Variants in TMEM178B observed in about 807,000 individuals in gnomAD.
TMEM178B encodes transmembrane protein 178B.
A neutral mutation model predicts 31.0 loss-of-function variants in TMEM178B; 5 were observed. The observed-to-expected ratio is 0.16, with a 90% CI of 0.08 to 0.34. The LOEUF (loss-of-function observed/expected upper bound fraction) is 0.34. TMEM178B is among the 10% of genes least tolerant of loss of function. The pLI is 1.00. For missense variants in TMEM178B, 275 were observed against 400.3 expected (o/e 0.69, Z 2.67); for synonymous variants, 164 against 164.0 (o/e 1.00, Z 0.00).
intron 2 of TMEM178B, among the ~76,000 whole-genome samples, chr7:141,413,922 T>C (rs1484486274): frequency 2.0e-5 from 3 of 152,236 alleles, no homozygotes; most frequent in Non-Finnish European, 4.4e-5. Flanking sequence ...TCTCCCACTA[T>C]TAACCTTTGG....
At chr7:141,093,440 T>C (rs1349884137) in intron 1 of TMEM178B, among the ~76,000 whole-genome samples, 1 of 152,202 alleles carries the variant, frequency 6.6e-6, no homozygotes, top group African/African-American at 2.4e-5. Flanking sequence ...TTGAGGTGCC[T>C]TTTTAGTTGC....
chr7:141,166,242 G>A (rs1796258558), intron 1 of TMEM178B, among the ~76,000 whole-genome samples: 2 of 152,282 alleles, frequency 1.3e-5, no homozygotes, highest in East Asian at 1.9e-4. Flanking sequence ...GGGCCATTTT[G>A]GGCTCTAGGA....
chr7:141,208,266 AACCAGC>A (rs1407578157), intron 1 of TMEM178B, among the ~76,000 whole-genome samples: 3 of 152,134 alleles, frequency 2.0e-5, no homozygotes, highest in Non-Finnish European at 4.4e-5. Flanking sequence ...CTGGGATCTC[AACCAGC>A]CAGTCCTCCC....
chr7:141,135,297 C>T (rs1795658024), intron 1 of TMEM178B, among the ~76,000 whole-genome samples: 1 of 152,010 alleles, frequency 6.6e-6, no homozygotes, highest in African/African-American at 2.4e-5. Context: ...ACTTAAACAC[C>T]CCACTCTCAG....
At chr7:141,407,593 C>T (rs1800907152) in intron 2 of TMEM178B, among the ~76,000 whole-genome samples, 1 of 152,146 alleles carries the variant, frequency 6.6e-6, no homozygotes, top group African/African-American at 2.4e-5. Context: ...GAATAGCTTA[C>T]ATATATTCAA....
chr7:141,471,020 A>C lies in TMEM178B; in HGVS notation c.*234A>C, dbSNP rs1430685561. 6.3e-6 allele frequency: 1 copy of C among 157,650 alleles called. No individual in the cohort carries two copies. The allele number at this position is 157,650 out of a possible 1,614,324, so 9.8% of individuals were successfully genotyped here. On this transcript the variant is annotated 3_prime_UTR_variant, in exon 4 of 4. Transcript: ENST00000565468. This position sits in a 1 kb window ranked among gnomAD's most constrained non-coding sequence, Gnocchi z 4.1. ...TTTGGCTTCATGGTCTCTTGAAGAC[A>C]GAGCAAACACCACCACTTGCGACCG...
intron 3 of TMEM178B, among the ~76,000 whole-genome samples, chr7:141,466,624 GTT>G (rs1802151839): frequency 6.6e-6 from 1 of 152,118 alleles, no homozygotes; most frequent in Non-Finnish European, 1.5e-5. Flanking sequence ...TGTAGAAACA[GTT>G]TATATAAAGT....
At chr7:141,274,398 C>T (rs1262080547) in intron 2 of TMEM178B, among the ~76,000 whole-genome samples, 1 of 152,174 alleles carries the variant, frequency 6.6e-6, no homozygotes, top group Non-Finnish European at 1.5e-5. Flanking sequence ...GCAGCATATT[C>T]GTCTATCCAA....
chr7:141,373,013 A>G (rs1302592638), intron 2 of TMEM178B, among the ~76,000 whole-genome samples: 2 of 152,196 alleles, frequency 1.3e-5, no homozygotes, highest in Non-Finnish European at 2.9e-5. Context: ...CCTGGAGTCC[A>G]CCGCTGGCTC....
intron 1 of TMEM178B, among the ~76,000 whole-genome samples, chr7:141,108,468 C>T (rs771189050): frequency 3.3e-5 from 5 of 152,156 alleles, no homozygotes; most frequent in Admixed American, 6.5e-5. Context: ...TGGTTAGACT[C>T]GTGCTGTTAG....
rs922252966 is a variant in TMEM178B, at chr7:141,074,769, C to T, written c.382+77C>T. 1.0e-5 allele frequency: 15 copies of T among 1,432,662 alleles called. No individual in the cohort carries two copies. Among genetic ancestry groups the T allele is most frequent in the Non-Finnish European group, 1.4e-5 (15 of 1,097,504 alleles). 88.7% of individuals were successfully genotyped at this position (1,432,662 alleles called of 1,614,324 possible). ...CCCCGCAGCCCCTCGCGTCTCCTTC[C>T]CAGGCCACAGGCTATCAGGTCTCTG... is the stretch of plus-strand genomic sequence containing the variant. On this transcript the variant is annotated intron_variant, in intron 1 of 3. Coordinates refer to ENST00000565468, the MANE Select transcript of TMEM178B (RefSeq NM_001195278.2). This position sits in a 1 kb window ranked among gnomAD's most constrained non-coding sequence, Gnocchi z 5.1.
At chr7:141,367,450 T>G (rs1291001378) in intron 2 of TMEM178B, among the ~76,000 whole-genome samples, 1 of 151,988 alleles carries the variant, frequency 6.6e-6, no homozygotes, top group Non-Finnish European at 1.5e-5. Context: ...AATTTTTGTA[T>G]TTTTAGTAGA....
rs372398700 is a variant in TMEM178B, at chr7:141,357,728, T to A, written c.497-79880T>A. Among the ~76,000 whole-genome samples the A allele has an allele frequency of 1.7e-4, 26 of 152,358 alleles. 1 individual carries two copies. The South Asian group carries it at 2.5e-3, about 15-fold the overall frequency. On this transcript the variant is annotated intron_variant, in intron 2 of 3. Coordinates refer to ENST00000565468, the MANE Select transcript of TMEM178B (RefSeq NM_001195278.2). ...ATATCTGCCATCAGCCCTTGTTACT[T>A]ACAGTGTGAATAAAGAAACACATAT... is the stretch of plus-strand genomic sequence containing the variant.
At chr7:141,464,502 G>A (rs983437862) in intron 3 of TMEM178B, among the ~76,000 whole-genome samples, 4 of 151,970 alleles carry the variant, frequency 2.6e-5, no homozygotes, top group Admixed American at 6.6e-5. Flanking sequence ...ATTTATGCAC[G>A]TCTCATATCT....
chr7:141,188,357 T>G, intron 1 of TMEM178B, among the ~76,000 whole-genome samples: 1 of 152,208 alleles, frequency 6.6e-6, no homozygotes, highest in South Asian at 2.1e-4. Flanking sequence ...TTTCAGGTTT[T>G]GGATTTTTGG....
At chr7:141,269,902 TA>T (rs1295651617) in intron 2 of TMEM178B, among the ~76,000 whole-genome samples, 1 of 152,030 alleles carries the variant, frequency 6.6e-6, no homozygotes, top group Non-Finnish European at 1.5e-5. Context: ...CCATCTCTAC[TA>T]AAAATACAAA....
At chr7:141,433,779 G>T (rs1038424447) in intron 2 of TMEM178B, among the ~76,000 whole-genome samples, 16 of 152,156 alleles carry the variant, frequency 1.1e-4, no homozygotes, top group Non-Finnish European at 2.1e-4. Flanking sequence ...AGTTGTTGTT[G>T]CAGCTTCCCT....
At chr7:141,216,302 C>T (rs1797145093) in intron 2 of TMEM178B, among the ~76,000 whole-genome samples, 1 of 152,126 alleles carries the variant, frequency 6.6e-6, no homozygotes, top group African/African-American at 2.4e-5. Context: ...TGCGCTCATA[C>T]ACCTTATGGT....
rs148205133 is a variant in TMEM178B at position 141,153,133 on chromosome 7, C to G, written c.383-59458C>G. On this transcript the variant is annotated intron_variant, in intron 1 of 3. Transcript: ENST00000565468. ...GCAAAACATAAAAAAGCCAGATTGT[C>G]TATAGTTTCTCTATTCACAGATAGC... Among the ~76,000 whole-genome samples, 124 of 152,268 alleles carry G rather than the reference C, an allele frequency of 8.1e-4. 2 individuals are homozygous for G. The East Asian group carries it at 0.023, about 28-fold the overall frequency.
Sources: allele counts gnomAD v4.1 joint callset (sites outside exome capture counted in the v4.1 genomes callset), GRCh38; gene constraint gnomAD v4.1.1; non-coding constraint Gnocchi (gnomAD v3.1); transcripts MANE v1.5; gene names NCBI Gene and HGNC (gene_info 2026-07-23, HGNC 2026-07-21).